Variants in TTN observed in about 807,000 individuals in gnomAD.
TTN encodes the protein titin.
TTN carries 1,525 observed loss-of-function variants against 3,223.0 expected under a neutral mutation model. The ratio of observed to expected loss-of-function variants is 0.47; its 90% confidence interval spans 0.45 to 0.49. The LOEUF (loss-of-function observed/expected upper bound fraction) is 0.49. TTN is among the 20% of genes least tolerant of loss of function. The probability of loss-of-function intolerance (pLI) is 0.00; values close to 1 mark genes in which losing one functional copy is unlikely to be tolerated. For missense variants in TTN, 40,786 were observed against 43,424.0 expected (o/e 0.94, Z 5.40); for synonymous variants, 14,094 against 15,161.0 (o/e 0.93, Z 5.17).
rs376660732 is a variant in TTN, at chr2:178,664,093, C to G, written c.36286G>C (p.Glu12096Gln). The change falls in exon 169 of 363, where the codon GAA becomes CAA. Residue 12096 changes from glutamate to glutamine, a missense_variant. Transcript: ENST00000589042. ...RAEVVPVKVH[E>Q]APKEIIPEKK... The stretch of plus-strand genomic sequence containing the variant: ...TCAGGGATAATCTCTTTGGGAGCTT[C>G]GTGCACTTGAAAGATATTAGTATTT... 5 of 1,609,738 alleles carry G rather than the reference C, an allele frequency of 3.1e-6. No individual in the cohort carries two copies. The Admixed American group carries it at 5.1e-5, about 16-fold the overall frequency.
rs113324330 is a variant in TTN at position 178,795,113 on chromosome 2, C to T, written c.1054G>A (p.Ala352Thr). 8 of 1,614,100 alleles carry T rather than the reference C, an allele frequency of 5.0e-6. No homozygotes were observed. The African/African-American group carries it at 8.0e-5, about 16-fold the overall frequency. Residue 352 changes from alanine to threonine, a missense_variant, in exon 7 of 363, where the codon GCC becomes ACC. Coordinates refer to ENST00000589042, the MANE Select transcript of TTN (RefSeq NM_001267550.2). ...CTCATCTCAGCCTCAGATGAGGAGG[C>T]CACGTAGCCCTCTTGCTTCCAAGGG... The part of the protein sequence containing the change: ...PPPWKQEGYV[A>T]SSSEAEMRET...
chr2:178,592,692 G>A (rs1457165365), intron 300 of TTN, 32 bp from the exon 301 acceptor site: 1 of 1,611,544 alleles, frequency 6.2e-7, no homozygotes, highest in East Asian at 2.2e-5. Context: ...ACTCAGATTT[G>A]ATCCATAATG....
Position 178,568,514 on chromosome 2 carries a change from G to A in TTN, c.77618C>T (p.Ala25873Val), listed in dbSNP as rs751402631. The stretch of plus-strand genomic sequence containing the variant: ...TGCTGTCTTCTGACCAACAACATTG[G>A]CAACTGTGATTCCATATTGTCCACC... ...DDGGQYGITV[A>V]NVVGQKTASI... Residue 25873 changes from alanine (A) to valine (V), a missense_variant, in exon 326 of 363, where the codon GCC (alanine) becomes GTC (valine). Ala to Val is a moderately conservative substitution (Grantham distance 64). Coordinates refer to ENST00000589042, the MANE Select transcript of TTN (RefSeq NM_001267550.2). 6 of 1,613,362 alleles carry A rather than the reference G, an allele frequency of 3.7e-6. No individual in the cohort carries two copies. The Admixed American group carries it at 1.0e-4, about 27-fold the overall frequency.
In TTN at chr2:178,568,566, T is replaced by C; in HGVS notation, c.77566A>G (p.Ser25856Gly). ...VTDSLDLTTL[S>G]IKETHKDDGG... ...TCATCCTTATGAGTTTCTTTAATACTGAGTGTGGTGAGATCCAGTGAATCG... is the reference window on the plus strand; with the variant it reads ...TCATCCTTATGAGTTTCTTTAATACCGAGTGTGGTGAGATCCAGTGAATCG... The change falls in exon 326 of 363, where the codon AGT becomes GGT. Residue 25856 changes from serine (S) to glycine (G), a missense_variant. Physicochemically the swap from Ser to Gly is moderately conservative, Grantham distance 56. Coordinates refer to ENST00000589042, the MANE Select transcript of TTN (RefSeq NM_001267550.2). The C allele has an allele frequency of 6.2e-7, 1 of 1,613,494 alleles. No homozygotes were observed. The highest frequency in any genetic ancestry group is 8.5e-7 in the Non-Finnish European group (1 of 1,179,574).
In TTN at chr2:178,573,818, G is replaced by A; in HGVS notation, c.72314C>T (p.Thr24105Ile). ...GTGTTTAGCAAAGCCACCAGGATTA[G>A]TCGCTGTAAGGGTATAGGCACCACT... ...RDSGAYTLTA[T>I]NPGGFAKHIF... Residue 24105 changes from threonine to isoleucine, a missense_variant, in exon 326 of 363, where the codon ACT (threonine) becomes ATT (isoleucine). Thr to Ile is a moderately conservative substitution (Grantham distance 89, BLOSUM62 -1). Transcript: ENST00000589042. 6.2e-7 allele frequency: 1 copy of A among 1,611,848 alleles called. No individual in the cohort carries two copies. Among genetic ancestry groups the A allele is most frequent in the Non-Finnish European group, 8.5e-7 (1 of 1,178,508 alleles).
At position 178,570,678 on chromosome 2, in the gene TTN, GCTC is replaced by G. The variant is rs886038885; in HGVS notation, c.75451_75453del (p.Glu25151del). ...ATTTCTAATCGAGCTGTGTTTGAAAGCTCCTGATCACCTTTTATCCACTGAATG... is the reference window on the plus strand; with the variant it reads ...ATTTCTAATCGAGCTGTGTTTGAAAGCTGATCACCTTTTATCCACTGAATG... On this transcript the variant is annotated inframe_deletion, in exon 326 of 363. Coordinates refer to ENST00000589042, the MANE Select transcript of TTN (RefSeq NM_001267550.2). The G allele has an allele frequency of 1.9e-6, 3 of 1,613,352 alleles. No individual in the cohort carries two copies. The highest frequency in any genetic ancestry group is 1.3e-5 in the African/African-American group (1 of 74,884).
Position 178,545,945 on chromosome 2 carries a change from G to T in TTN, c.95291C>A (p.Thr31764Asn), listed in dbSNP as rs1357116939. 6.2e-7 allele frequency: 1 copy of T among 1,613,862 alleles called. No homozygotes were observed. The highest frequency in any genetic ancestry group is 2.2e-5 in the East Asian group (1 of 44,860). ...GAGCCTGGTAACGACATAGGATAGG[G>T]TTGGGCATTCGCCTTCAACAATCAC... ...NWVIVEGECP[T>N]LSYVVTRLIK... Residue 31764 changes from threonine (T) to asparagine (N), a missense_variant, in exon 343 of 363, where the codon ACC (threonine) becomes AAC (asparagine). By Grantham distance (65) the Thr-to-Asn change is moderately conservative. Coordinates refer to ENST00000589042, the MANE Select transcript of TTN (RefSeq NM_001267550.2).
At position 178,598,860 on chromosome 2, in the gene TTN, C is replaced by T. The variant is rs368068200; in HGVS notation, c.56850G>A (p.Val18950=). 37 of 1,613,150 alleles carry T rather than the reference C, an allele frequency of 2.3e-5. No homozygotes were observed. The African/African-American group carries it at 2.8e-4, about 12-fold the overall frequency. The change falls in exon 291 of 363, where the codon GTG becomes GTA. Residue 18950 remains valine (V), a synonymous_variant. Coordinates refer to ENST00000589042, the MANE Select transcript of TTN (RefSeq NM_001267550.2). Reference sequence around the variant, plus strand: ...AGTCGGAACCTTCAATAAGACCAGTCACTTTATAAGAAACACCCAAAGTCA... The same window carrying T: ...AGTCGGAACCTTCAATAAGACCAGTTACTTTATAAGAAACACCCAAAGTCA... ...KAMTLGVSYK[V]TGLIEGSDYQ...
rs1191894899 is a variant in TTN at position 178,712,070 on chromosome 2, G to T, written c.27760C>A (p.His9254Asn). 2 of 1,613,750 alleles carry T rather than the reference G, an allele frequency of 1.2e-6. No homozygotes were observed. Among genetic ancestry groups the T allele is most frequent in the South Asian group, 2.2e-5 (2 of 91,064 alleles). Residue 9254 changes from histidine to asparagine, a missense_variant, in exon 96 of 363, where the codon CAT (histidine) becomes AAT (asparagine). His to Asn is a moderately conservative substitution (Grantham distance 68). Coordinates refer to ENST00000589042, the MANE Select transcript of TTN (RefSeq NM_001267550.2). ...KLRPTTTYKMHFRNNVATLVF... is the reference protein window; with the variant it reads ...KLRPTTTYKMNFRNNVATLVF... ...AGTGTAGCAACATTATTCCTAAAATGCATTTTGTAAGTCGTAGTGGGTCTC... is the reference window on the plus strand; with the variant it reads ...AGTGTAGCAACATTATTCCTAAAATTCATTTTGTAAGTCGTAGTGGGTCTC...
At chr2:178,550,846 C>T (rs746673881) in intron 336 of TTN, 121 bp downstream of exon 336, 20 of 850,018 alleles carry the variant, frequency 2.4e-5, no homozygotes, top group Non-Finnish European at 3.4e-5. Flanking sequence ...AGACATAATT[C>T]ATCCACTTAG....
Position 178,570,078 on chromosome 2 carries a change from T to A in TTN, c.76054A>T (p.Thr25352Ser). ...EKRDKEGIRW[T>S]RCHKRLIGEL... ...CCAATCAGACGCTTATGGCATCTTGTCCATCTAATGCCTTCTTTATCCCGT... is the reference window on the plus strand; with the variant it reads ...CCAATCAGACGCTTATGGCATCTTGACCATCTAATGCCTTCTTTATCCCGT... Residue 25352 changes from threonine (T) to serine (S), a missense_variant, in exon 326 of 363, where the codon ACA (threonine) becomes TCA (serine). Thr to Ser is a moderately conservative substitution (Grantham distance 58). Coordinates refer to ENST00000589042, the MANE Select transcript of TTN (RefSeq NM_001267550.2). 6.2e-7 allele frequency: 1 copy of A among 1,613,460 alleles called. No individual in the cohort carries two copies. Among genetic ancestry groups the A allele is most frequent in the Non-Finnish European group, 8.5e-7 (1 of 1,179,596 alleles).
intron 127 of TTN, among the ~76,000 whole-genome samples, chr2:178,686,764 T>C (rs770208525): frequency 1.3e-5 from 2 of 152,226 alleles, no homozygotes; most frequent in African/African-American, 4.8e-5. Context: ...ATCTGCTCCT[T>C]ACGCTGAAAG....
At chr2:178,584,240 AAAC>A (rs72646862) in intron 311 of TTN, 33 bp downstream of exon 311, 172 of 1,522,470 alleles carry the variant, frequency 1.1e-4, no homozygotes, top group Non-Finnish European at 1.4e-4. Context: ...CATAATACTA[AAAC>A]AACAACAACA....
chr2:178,797,665 C>G (rs1011081810), intron 6 of TTN, among the ~76,000 whole-genome samples: 2 of 151,962 alleles, frequency 1.3e-5, no homozygotes, highest in East Asian at 3.9e-4. Flanking sequence ...TACCTTGTAG[C>G]CATTTTATGT....
At chr2:178,792,771 T>C (rs1345940411) in intron 9 of TTN, among the ~76,000 whole-genome samples, 2 of 152,234 alleles carry the variant, frequency 1.3e-5, no homozygotes, top group Non-Finnish European at 2.9e-5. Flanking sequence ...ATCTCATCAC[T>C]GAAACACAGG....
chr2:178,542,348 A>G lies in TTN; in HGVS notation c.97408T>C (p.Tyr32470His). ...KFTRLTEGNEYVFRVAATNRF... is the reference protein window; with the variant it reads ...KFTRLTEGNEHVFRVAATNRF... The stretch of plus-strand genomic sequence containing the variant: ...TTTGTTGCAGCCACACGGAACACAT[A>G]CTCATTTCCTTCGGTGAGTCTGGTA... Residue 32470 changes from tyrosine to histidine, a missense_variant, in exon 349 of 363, where the codon TAT becomes CAT. Transcript: ENST00000589042. 6.2e-7 allele frequency: 1 copy of G among 1,613,434 alleles called. No homozygotes were observed. Among genetic ancestry groups the G allele is most frequent in the Non-Finnish European group, 8.5e-7 (1 of 1,179,656 alleles).
chr2:178,673,689 GC>G lies in TTN; in HGVS notation c.34729del (p.Ala11577GlnfsTer84). On this transcript the variant is annotated frameshift_variant, in exon 152 of 363. Transcript: ENST00000589042. LOFTEE classifies it high-confidence loss of function. Reference protein sequence around the residue: ...PPRVPEVIKKAVPEAPTPVPK... With the variant: ...PPRVPEVIKKXVPEAPTPVPK... ...AACAGGAGTAGGTGCTTCAGGTACT[GC>G]TTTCTTAATCACTTCAGGCACTTAA... The G allele has an allele frequency of 6.3e-7, 1 of 1,590,256 alleles. No individual in the cohort carries two copies.
Position 178,551,939 on chromosome 2 carries a change from G to T in TTN, c.90961C>A (p.Gln30321Lys). ...LVSSIIVAKH[Q>K]FRIPGPPGKP... The stretch of plus-strand genomic sequence containing the variant: ...CCTGGGGGACCAGGAATCCTGAACT[G>T]GTGTTTTGCCACAATAATGCTTGAG... Residue 30321 changes from glutamine (Q) to lysine (K), a missense_variant, in exon 335 of 363, where the codon CAG becomes AAG. Physicochemically the swap from Gln to Lys is moderately conservative, Grantham distance 53 (BLOSUM62 1). Transcript: ENST00000589042. 6.2e-7 allele frequency: 1 copy of T among 1,613,160 alleles called. No homozygotes were observed. The highest frequency in any genetic ancestry group is 8.5e-7 in the Non-Finnish European group (1 of 1,179,280).
intron 15 of TTN, among the ~76,000 whole-genome samples, chr2:178,785,011 T>A (rs562740631): frequency 2.6e-5 from 4 of 152,204 alleles, no homozygotes; most frequent in African/African-American, 7.2e-5. Flanking sequence ...ATTTATTACA[T>A]GCTGACAACT....
Sources: gnomAD v4.1 joint callset for allele counts (sites outside exome capture counted in the v4.1 genomes callset) on GRCh38, gnomAD v4.1.1 for gene constraint, MANE v1.5 for transcripts, NCBI Gene and HGNC (gene_info 2026-07-23, HGNC 2026-07-21) for gene names.